The following PRELID2 variants were observed in gnomAD, a reference collection of about 807,000 sequenced individuals.
The protein encoded by PRELID2 is PRELI domain-containing protein 2.
In PRELID2, 25 loss-of-function variants were observed where a neutral mutation model predicts 28.4. The observed-to-expected ratio is 0.88, with a 90% CI of 0.64 to 1.23. The LOEUF is 1.23. Among genes scored for constraint, PRELID2 ranks in the 50% most tolerant of loss-of-function variants. The pLI is 0.00. For missense variants in PRELID2, 201 were observed against 214.4 expected (o/e 0.94, Z 0.39); for synonymous variants, 76 against 71.6 (o/e 1.06, Z -0.31).
intron 1 of PRELID2, among the ~76,000 whole-genome samples, chr5:145,708,915 G>T (rs986475813): frequency 1.3e-5 from 2 of 152,220 alleles, no homozygotes; most frequent in African/African-American, 4.8e-5. Flanking sequence ...CCCCCAGCAA[G>T]CTGGCATCAA....
chr5:145,387,882 C>T, the PRELID2 span, among the ~76,000 whole-genome samples: 1 of 150,322 alleles, frequency 6.7e-6, no homozygotes, highest in African/African-American at 2.5e-5. Context: ...GCCCAGATTG[C>T]ACCACTGCAC....
At chr5:145,235,813 A>G in the PRELID2 span, among the ~76,000 whole-genome samples, 1 of 152,174 alleles carries the variant, frequency 6.6e-6, no homozygotes, top group African/African-American at 2.4e-5. Context: ...AAGAAAACAT[A>G]GTATGTTCCT....
At chr5:145,823,380 G>A (rs1482660234) in intron 1 of PRELID2, among the ~76,000 whole-genome samples, 1 of 152,196 alleles carries the variant, frequency 6.6e-6, no homozygotes, top group African/African-American at 2.4e-5. Context: ...TGAGGGGGAT[G>A]AGGTTAAGCT....
chr5:145,721,418 G>A lies in PRELID2; in HGVS notation n.70+43513C>T, dbSNP rs145609730. ...GAATAAAGGCTAACCAGCAGACAAG[G>A]GAATTTTTAAAAGGTGTAAATACAA... On this transcript the variant is annotated intron_variant and non_coding_transcript_variant, in intron 1 of 2. Coordinates refer to the PRELID2 transcript ENST00000510259. Among the ~76,000 whole-genome samples the A allele has an allele frequency of 4.3e-3, 648 of 151,994 alleles. 7 individuals are homozygous for A. Among genetic ancestry groups the A allele is most frequent in the African/African-American group, 0.015 (633 of 41,472 alleles).
chr5:145,682,358 C>T (rs994029900), intron 1 of PRELID2, among the ~76,000 whole-genome samples: 10 of 152,118 alleles, frequency 6.6e-5, no homozygotes, highest in Admixed American at 3.9e-4. Flanking sequence ...CATCATAATA[C>T]GACATTGGCT....
At chr5:145,826,775 T>A (rs533534617) in intron 1 of PRELID2, among the ~76,000 whole-genome samples, 1 of 152,070 alleles carries the variant, frequency 6.6e-6, no homozygotes, top group South Asian at 2.1e-4. Flanking sequence ...AGAAACTGAA[T>A]CCATCTAATT....
At chr5:145,586,017 T>C (rs939502661) in intron 1 of PRELID2, among the ~76,000 whole-genome samples, 7 of 150,544 alleles carry the variant, frequency 4.6e-5, no homozygotes, top group African/African-American at 1.7e-4. Flanking sequence ...TTCGAGTCTA[T>C]TGTTCCAGGC....
chr5:145,415,286 TTTA>T, the PRELID2 span, among the ~76,000 whole-genome samples: 1 of 152,080 alleles, frequency 6.6e-6, no homozygotes, highest in East Asian at 1.9e-4. Context: ...TTTTCTTTTT[TTTA>T]TTATTATTAT....
At chr5:145,769,293 A>G (rs1342046288) in intron 5 of PRELID2, among the ~76,000 whole-genome samples, 3 of 152,280 alleles carry the variant, frequency 2.0e-5, no homozygotes, top group East Asian at 3.9e-4. Flanking sequence ...TAAGTGAGCT[A>G]TCTCGCAGGT....
intron 1 of PRELID2, among the ~76,000 whole-genome samples, chr5:145,666,445 T>C (rs1754596762): frequency 6.7e-6 from 1 of 149,460 alleles, no homozygotes; most frequent in East Asian, 1.9e-4. Flanking sequence ...ACTGGGAGTG[T>C]TGTTTTTCAG....
chr5:145,705,080 T>C (rs1028794351), intron 1 of PRELID2, among the ~76,000 whole-genome samples: 5 of 152,132 alleles, frequency 3.3e-5, no homozygotes, highest in Non-Finnish European at 7.3e-5. Flanking sequence ...TTTATGAACA[T>C]ATAATGTCTA....
At chr5:145,462,638 T>C in the PRELID2 span, among the ~76,000 whole-genome samples, 19 of 152,266 alleles carry the variant, frequency 1.2e-4, no homozygotes, top group African/African-American at 3.6e-4. Context: ...TGGCTTCAGG[T>C]TGGCTTTGGC....
intron 5 of PRELID2, among the ~76,000 whole-genome samples, chr5:145,784,175 T>A (rs1238957962): frequency 6.6e-6 from 1 of 150,918 alleles, no homozygotes; most frequent in African/African-American, 2.4e-5. Context: ...TCTCAGCTAC[T>A]TGGGAGGTTG....
At chr5:145,579,190 T>G (rs13359453) in intron 1 of PRELID2, among the ~76,000 whole-genome samples, 29,346 of 152,000 alleles carry the variant, frequency 0.19, 5,016 homozygotes, top group African/African-American at 0.45. Context: ...GAAAACACTA[T>G]AGAAACCCAA....
chr5:145,307,442 A>C, the PRELID2 span, among the ~76,000 whole-genome samples: 1 of 152,202 alleles, frequency 6.6e-6, no homozygotes, highest in Non-Finnish European at 1.5e-5. Context: ...ACCTTCTGTT[A>C]CTCAGTGCAA....
the PRELID2 span, among the ~76,000 whole-genome samples, chr5:145,352,293 C>A: frequency 2.8e-4 from 43 of 152,314 alleles, no homozygotes; most frequent in Admixed American, 2.7e-3. Context: ...CCTCTGAAAT[C>A]TAGGCAGATG....
Position 145,482,607 on chromosome 5 carries a change from G to T in PRELID2, n.71-9292C>A, listed in dbSNP as rs958820282. ...TGGATCACAATTTTTCCACGAACTG[G>T]GTTGTTGGGAAGGGGATGGTTTTGG... On this transcript the variant is annotated intron_variant and non_coding_transcript_variant, in intron 1 of 2. Transcript: ENST00000510259. 3.9e-5 allele frequency among the ~76,000 whole-genome samples: 6 copies of T among 152,156 alleles called. No individual in the cohort carries two copies. The East Asian group carries it at 7.7e-4, about 20-fold the overall frequency.
At chr5:145,465,306 A>T in the PRELID2 span, among the ~76,000 whole-genome samples, 2 of 152,194 alleles carry the variant, frequency 1.3e-5, no homozygotes, top group Non-Finnish European at 2.9e-5. Context: ...ACAAATTTTT[A>T]TGTGTGTGCT....
intron 1 of PRELID2, among the ~76,000 whole-genome samples, chr5:145,496,863 T>C (rs1752314201): frequency 6.6e-6 from 1 of 151,890 alleles, no homozygotes; most frequent in Non-Finnish European, 1.5e-5. Flanking sequence ...AATAATTTGG[T>C]TTTGTTCGTT....
Sources: gnomAD v4.1 joint callset for allele counts (sites outside exome capture counted in the v4.1 genomes callset) on GRCh38, gnomAD v4.1.1 for gene constraint, MANE v1.5 for transcripts, NCBI Gene and HGNC (gene_info 2026-07-23, HGNC 2026-07-21) for gene names.